The following UNC5B variants were observed in gnomAD, a reference collection of about 807,000 sequenced individuals.
UNC5B encodes unc-5 netrin receptor B.
Under a neutral mutation model 103.7 loss-of-function variants are expected in UNC5B, and 56 were observed. The observed-to-expected ratio is 0.54, with a 90% confidence interval of 0.44 to 0.67. The LOEUF (loss-of-function observed/expected upper bound fraction) is 0.67. UNC5B is among the 30% of genes least tolerant of loss of function. The pLI, the probability that UNC5B is intolerant of heterozygous loss-of-function variation, is 0.00. For missense variants in UNC5B, 1,194 were observed against 1,284.5 expected (o/e 0.93, Z 1.08); for synonymous variants, 577 against 542.0 (o/e 1.06, Z -0.90).
Position 71,301,627 on chromosome 10 carries a change from C to G in UNC5B, c.*2350C>G, listed in dbSNP as rs887758250. 1 of 152,266 alleles carries G rather than the reference C, an allele frequency of 6.6e-6. No individual in the cohort carries two copies. The highest frequency in any genetic ancestry group is 1.5e-5 in the Non-Finnish European group (1 of 68,066). The allele number at this position is 152,266 out of a possible 1,614,324, so 9.4% of individuals were successfully genotyped here. On this transcript the variant is annotated 3_prime_UTR_variant, in exon 17 of 17. Coordinates refer to ENST00000335350, the MANE Select transcript of UNC5B (RefSeq NM_170744.5). ...GTCTGACCAGGCTAGACCACACGTG[C>G]CGTGACAGGGGGTGCCATTCCCCTC... is the stretch of plus-strand genomic sequence containing the variant.
chr10:71,215,848 C>T (rs1454722431), intron 1 of UNC5B, among the ~76,000 whole-genome samples: 2 of 151,154 alleles, frequency 1.3e-5, no homozygotes, highest in Non-Finnish European at 2.9e-5. Context: ...TGTGTGCTCG[C>T]GTGCATGCGC....
chr10:71,283,517 G>T (rs1844984539), intron 2 of UNC5B, among the ~76,000 whole-genome samples: 1 of 152,318 alleles, frequency 6.6e-6, no homozygotes, highest in South Asian at 2.1e-4. Context: ...CATGCCACCG[G>T]CTGTGCGTAC....
chr10:71,272,837 A>T (rs538819560), intron 1 of UNC5B, among the ~76,000 whole-genome samples: 5 of 152,234 alleles, frequency 3.3e-5, no homozygotes, highest in African/African-American at 1.2e-4. Flanking sequence ...CAGCTAGAGA[A>T]CAGCTCCTGC....
rs940285483 is a variant in UNC5B, at chr10:71,300,760, T to A, written c.*1483T>A. 9 of 152,338 alleles carry A rather than the reference T, an allele frequency of 5.9e-5. No homozygotes were observed. The highest frequency in any genetic ancestry group is 2.9e-5 in the Non-Finnish European group (2 of 68,136). The allele number at this position is 152,338 out of a possible 1,614,324, so 9.4% of individuals were successfully genotyped here. A position where few individuals can be genotyped will look rare whatever the true frequency, so the allele number is the denominator to read the frequency against. The stretch of plus-strand genomic sequence containing the variant: ...GCAACGTGGGAGCCTTGGAGGCGGG[T>A]GGCCTGGCTGTGCTTCATATGCCCA... On this transcript the variant is annotated 3_prime_UTR_variant, in exon 17 of 17. Coordinates refer to ENST00000335350, the MANE Select transcript of UNC5B (RefSeq NM_170744.5).
chr10:71,270,457 AC>A (rs1193479271), intron 1 of UNC5B, among the ~76,000 whole-genome samples: 1 of 152,152 alleles, frequency 6.6e-6, no homozygotes, highest in Non-Finnish European at 1.5e-5. Context: ...CTCCAGGGTC[AC>A]AGAGAAGCCG....
intron 16 of UNC5B, among the ~76,000 whole-genome samples, chr10:71,298,759 C>G (rs1452177561): frequency 6.6e-6 from 1 of 152,042 alleles, no homozygotes; most frequent in Non-Finnish European, 1.5e-5. Flanking sequence ...ACATGCTAGA[C>G]GTGGTCATTC....
At chr10:71,269,352 C>CCCCACAACT (rs1554865166) in intron 1 of UNC5B, among the ~76,000 whole-genome samples, 1 of 145,450 alleles carries the variant, frequency 6.9e-6, no homozygotes, top group Non-Finnish European at 1.5e-5. Context: ...GTCCCCCCCC[C>CCCCACAACT]ACAACTTCTC....
rs1320498893 is a variant in UNC5B at position 71,301,595 on chromosome 10, G to A, written c.*2318G>A. The A allele has an allele frequency of 6.6e-6, 1 of 152,224 alleles. No individual in the cohort carries two copies. The highest frequency in any genetic ancestry group is 2.4e-5 in the African/African-American group (1 of 41,440). The allele number at this position is 152,224 out of a possible 1,614,324, so 9.4% of individuals were successfully genotyped here. A position where few individuals can be genotyped will look rare whatever the true frequency, so the allele number is the denominator to read the frequency against. On this transcript the variant is annotated 3_prime_UTR_variant, in exon 17 of 17. Transcript: ENST00000335350. ...GTGTGGGCCTCGGTCACGTGGCTTT[G>A]AGGGCAGTCTGACCAGGCTAGACCA...
At chr10:71,254,199 A>T (rs1016844256) in intron 1 of UNC5B, among the ~76,000 whole-genome samples, 3 of 152,172 alleles carry the variant, frequency 2.0e-5, no homozygotes, top group Admixed American at 1.3e-4. Context: ...GTGGCTTCCT[A>T]CCTACGCCTA....
In UNC5B at chr10:71,280,027, G is replaced by A. The variant is rs770517926; in HGVS notation, c.286G>A (p.Gly96Ser). ...VSQNDHVTQE[G>S]LDEATGLRVR... is the part of the protein sequence containing the mutation. ...CCAGAACGACCACGTCACACAGGAA[G>A]GCCTGGATGAGGCCACCGGTGAGCC... Residue 96 changes from glycine to serine, a missense_variant, in exon 2 of 17, where the codon GGC becomes AGC. Coordinates refer to ENST00000335350, the MANE Select transcript of UNC5B (RefSeq NM_170744.5). The A allele has an allele frequency of 1.5e-5, 25 of 1,613,906 alleles. No individual in the cohort carries two copies. Among genetic ancestry groups the A allele is most frequent in the Non-Finnish European group, 2.0e-5 (24 of 1,180,022 alleles).
rs1564513213 is a variant in UNC5B, at chr10:71,291,792, T to C, written c.1655T>C (p.Leu552Pro). 1.2e-6 allele frequency: 2 copies of C among 1,603,644 alleles called. No individual in the cohort carries two copies. Among genetic ancestry groups the C allele is most frequent in the Non-Finnish European group, 8.5e-7 (1 of 1,178,694 alleles). ...GSSVSGTFGC[L>P]GGRLSIPGTG... ...AGCGTCAGCGGCACCTTTGGCTGCC[T>C]GGGTGGGAGGCTCAGCATCCCCGGC... The change falls in exon 10 of 17, where the codon CTG becomes CCG. Residue 552 changes from leucine (L) to proline (P), a missense_variant. Transcript: ENST00000335350.
Position 71,286,783 on chromosome 10 carries a change from G to A in UNC5B, c.647G>A (p.Arg216His), listed in dbSNP as rs753995814. Residue 216 changes from arginine to histidine, a missense_variant, in exon 5 of 17, where the codon CGC becomes CAC. Arg to His is a conservative substitution (Grantham distance 29). Transcript: ENST00000335350. ...CACAACCTCATCATCCGCCAGGCCC[G>A]CCTGTCGGACACTGCCAACTATACC... ...IDHNLIIRQA[R>H]LSDTANYTCV... 1.1e-5 allele frequency: 18 copies of A among 1,614,062 alleles called. No homozygotes were observed. The highest frequency in any genetic ancestry group is 2.7e-5 in the African/African-American group (2 of 74,904).
chr10:71,222,942 G>A (rs1843480618), intron 1 of UNC5B, among the ~76,000 whole-genome samples: 1 of 152,212 alleles, frequency 6.6e-6, no homozygotes, highest in African/African-American at 2.4e-5. Context: ...AGGAATTCCA[G>A]GAAAGTTGTC....
intron 1 of UNC5B, among the ~76,000 whole-genome samples, chr10:71,260,160 G>T (rs1170664485): frequency 6.6e-6 from 1 of 152,250 alleles, no homozygotes; most frequent in African/African-American, 2.4e-5. Flanking sequence ...GCCCAAGGGG[G>T]TGGCTTCTCT....
chr10:71,215,806 GGT>G (rs55848098), intron 1 of UNC5B, among the ~76,000 whole-genome samples: 32,378 of 149,362 alleles, frequency 0.22, 3,466 homozygotes, highest in East Asian at 0.3. Context: ...GTCTCTGCTT[GGT>G]GTGTGTGTGT....
chr10:71,289,159 C>T (rs904656891), intron 8 of UNC5B, among the ~76,000 whole-genome samples, 169 bp downstream of exon 8: 1 of 152,202 alleles, frequency 6.6e-6, no homozygotes, highest in African/African-American at 2.4e-5. Context: ...CCATCACCGG[C>T]AGACAGGCAA....
At chr10:71,224,390 C>CAT (rs1294802511) in intron 1 of UNC5B, among the ~76,000 whole-genome samples, 3 of 151,658 alleles carry the variant, frequency 2.0e-5, no homozygotes, top group African/African-American at 7.3e-5. Context: ...CACACACACA[C>CAT]ACACACACAC....
chr10:71,212,906 G>C lies in UNC5B; in HGVS notation c.-80G>C. On this transcript the variant is annotated 5_prime_UTR_variant, in exon 1 of 17. Transcript: ENST00000335350. ...GGGAGGACGGCGAGGAGGAGGCGGCGGCGGCGGAGACGGCGGCGGCGAGAC... is the reference window on the plus strand; with the variant it reads ...GGGAGGACGGCGAGGAGGAGGCGGCCGCGGCGGAGACGGCGGCGGCGAGAC... The C allele has an allele frequency of 8.7e-7, 1 of 1,143,200 alleles. No individual in the cohort carries two copies. The highest frequency in any genetic ancestry group is 1.1e-6 in the Non-Finnish European group (1 of 905,084). 70.8% of individuals were successfully genotyped at this position (1,143,200 alleles called of 1,614,324 possible).
At chr10:71,256,568 G>C (rs954570267) in intron 1 of UNC5B, among the ~76,000 whole-genome samples, 2 of 152,246 alleles carry the variant, frequency 1.3e-5, no homozygotes, top group Non-Finnish European at 2.9e-5. Flanking sequence ...GGCGCTGAAG[G>C]CTCTGAGAGC....
Sources: allele counts gnomAD v4.1 joint callset (sites outside exome capture counted in the v4.1 genomes callset), GRCh38; gene constraint gnomAD v4.1.1; transcripts MANE v1.5; gene names NCBI Gene and HGNC (gene_info 2026-07-23, HGNC 2026-07-21).